The following CCDC7 variants were observed in gnomAD, a reference collection of about 807,000 sequenced individuals.
CCDC7 encodes the protein coiled-coil domain-containing protein 7.
Under a neutral mutation model 196.9 loss-of-function variants are expected in CCDC7, and 183 were observed. The observed-to-expected ratio is 0.93, with a 90% CI of 0.82 to 1.05. CCDC7 has a LOEUF of 1.05. Among genes scored for constraint, CCDC7 ranks in the 50% least tolerant of loss-of-function variants. The pLI is 0.00. For synonymous variants in CCDC7, 525 were observed against 484.6 expected, an observed-to-expected ratio of 1.08 and a Z score of -1.10; for missense variants, 1,540 against 1,482.2, an observed-to-expected ratio of 1.04 and a Z score of -0.64.
At chr10:32,527,667 A>AATTTCTC (rs894278833) in intron 11 of CCDC7, among the ~76,000 whole-genome samples, 1 of 152,188 alleles carries the variant, frequency 6.6e-6, no homozygotes, top group Non-Finnish European at 1.5e-5. Flanking sequence ...TTACTTAAAG[A>AATTTCTC]ATTTCTCATA....
intron 13 of CCDC7, among the ~76,000 whole-genome samples, chr10:32,553,917 G>A (rs1486596093): frequency 6.6e-6 from 1 of 152,178 alleles, no homozygotes; most frequent in Non-Finnish European, 1.5e-5. Flanking sequence ...TCCCCTACCA[G>A]GGTGGGTAGG....
At chr10:32,746,455 C>A (rs1375947319) in intron 28 of CCDC7, among the ~76,000 whole-genome samples, 1 of 152,130 alleles carries the variant, frequency 6.6e-6, no homozygotes, top group African/African-American at 2.4e-5. Context: ...GCTGCAATGA[C>A]TACAGTGGAG....
intron 21 of CCDC7, among the ~76,000 whole-genome samples, chr10:32,685,323 C>T (rs1312374951): frequency 1.3e-5 from 2 of 151,748 alleles, no homozygotes; most frequent in South Asian, 2.1e-4. Context: ...ACATTATTAA[C>T]CATAACTTTC....
At chr10:32,766,775 C>CT (rs1482031766) in intron 28 of CCDC7, among the ~76,000 whole-genome samples, 1 of 151,948 alleles carries the variant, frequency 6.6e-6, no homozygotes, top group African/African-American at 2.4e-5. Flanking sequence ...CAGGCAGGCC[C>CT]TGAAAGCACA....
At chr10:32,709,929 A>G (rs2080537929) in intron 24 of CCDC7, among the ~76,000 whole-genome samples, 1 of 152,166 alleles carries the variant, frequency 6.6e-6, no homozygotes, top group Non-Finnish European at 1.5e-5. Context: ...CCAAGGGATC[A>G]CCAGTATGGT....
intron 6 of CCDC7, 81 bp downstream of exon 7, chr10:32,471,311 C>A: frequency 6.7e-7 from 1 of 1,486,636 alleles, no homozygotes; most frequent in South Asian, 1.3e-5. Flanking sequence ...GATAATGGGT[C>A]AGATATGATG....
At chr10:32,686,493 T>A (rs2076480241) in intron 22 of CCDC7, among the ~76,000 whole-genome samples, 1 of 152,172 alleles carries the variant, frequency 6.6e-6, no homozygotes, top group African/African-American at 2.4e-5. Context: ...TCAGAGGAGC[T>A]AAGGGGAACA....
intron 24 of CCDC7, among the ~76,000 whole-genome samples, chr10:32,710,295 C>T (rs991720953): frequency 3.3e-5 from 5 of 152,322 alleles, no homozygotes; most frequent in Non-Finnish European, 5.9e-5. Flanking sequence ...CCATGAGTCT[C>T]AATCCCTTGC....
intron 28 of CCDC7, among the ~76,000 whole-genome samples, chr10:32,742,651 G>C (rs1426116559): frequency 6.6e-6 from 1 of 152,164 alleles, no homozygotes; most frequent in Admixed American, 6.6e-5. Context: ...CTAGGTAGCT[G>C]AAACAACAGA....
intron 11 of CCDC7, among the ~76,000 whole-genome samples, chr10:32,539,814 G>A (rs756993716): frequency 6.6e-6 from 1 of 152,206 alleles, no homozygotes; most frequent in Admixed American, 6.5e-5. Context: ...CCGCATAATT[G>A]TATGGTTTTG....
chr10:32,782,393 A>G (rs2081198256), intron 29 of CCDC7, among the ~76,000 whole-genome samples: 2 of 152,138 alleles, frequency 1.3e-5, no homozygotes, highest in Admixed American at 6.5e-5. Context: ...ATGCTCCGCT[A>G]ATTTTTGTAT....
intron 28 of CCDC7, among the ~76,000 whole-genome samples, chr10:32,774,306 C>G (rs2079618841): frequency 6.6e-6 from 1 of 151,304 alleles, no homozygotes; most frequent in South Asian, 2.1e-4. Flanking sequence ...TTTTTTTTAA[C>G]CACAGTTCAT....
chr10:32,670,972 G>A (rs575038722), intron 21 of CCDC7, among the ~76,000 whole-genome samples: 46 of 152,118 alleles, frequency 3.0e-4, no homozygotes, highest in Admixed American at 1.0e-3. Flanking sequence ...TGTACAGTGT[G>A]TTTGTGTTTT....
chr10:32,814,282 A>G lies in CCDC7; in HGVS notation c.3098-88A>G, dbSNP rs528195341. ...CACAAATATTTTAAGTTAGTAACAC[A>G]CACACATATATGTACATGCACTCAC... On this transcript the variant is annotated intron_variant, in intron 30 of 41. Coordinates refer to ENST00000639629, the Ensembl canonical transcript of CCDC7. 5.0e-4 allele frequency: 460 copies of G among 921,342 alleles called. 5 individuals carry two copies. The South Asian group carries it at 5.6e-3, about 11-fold the overall frequency. 57.1% of individuals were successfully genotyped at this position (921,342 alleles called of 1,614,324 possible).
intron 8 of CCDC7, among the ~76,000 whole-genome samples, chr10:32,487,414 T>C (rs142933574): frequency 0.052 from 7,959 of 152,244 alleles, 688 homozygotes; most frequent in African/African-American, 0.18. Flanking sequence ...TTTTAACTTC[T>C]TTGCCATGGG....
chr10:32,716,972 A>G (rs1180382623), intron 25 of CCDC7, among the ~76,000 whole-genome samples: 3 of 152,198 alleles, frequency 2.0e-5, no homozygotes, highest in Non-Finnish European at 4.4e-5. Context: ...TATTAGATCA[A>G]TGAGACAGAA....
intron 16 of CCDC7, among the ~76,000 whole-genome samples, chr10:32,581,119 T>C (rs2137423827): frequency 6.6e-6 from 1 of 152,116 alleles, no homozygotes; most frequent in East Asian, 1.9e-4. Context: ...ACCACTTCAG[T>C]GATGTTGAAG....
chr10:32,811,115 AAAAC>A (rs755130394), intron 30 of CCDC7, among the ~76,000 whole-genome samples: 19 of 152,062 alleles, frequency 1.2e-4, no homozygotes, highest in Non-Finnish European at 2.4e-4. Context: ...TAGAAAAGCA[AAAAC>A]AAACCAATCA....
intron 20 of CCDC7, among the ~76,000 whole-genome samples, chr10:32,652,641 A>T (rs2068980068): frequency 6.6e-6 from 1 of 152,136 alleles, no homozygotes; most frequent in South Asian, 2.1e-4. Flanking sequence ...TTTTAACCTG[A>T]TGACAAGTTA....
Sources: gnomAD v4.1 joint callset for allele counts (sites outside exome capture counted in the v4.1 genomes callset) on GRCh38, gnomAD v4.1.1 for gene constraint, MANE v1.5 for transcripts, NCBI Gene and HGNC (gene_info 2026-07-23, HGNC 2026-07-21) for gene names.